FBXO36: variants seen among roughly 807,000 people sequenced by gnomAD.
FBXO36 encodes the protein F-box protein 36.
FBXO36 carries 18 observed loss-of-function variants against 17.0 expected under a neutral mutation model. The observed-to-expected ratio is 1.06, with a 90% confidence interval of 0.73 to 1.57. The LOEUF (loss-of-function observed/expected upper bound fraction) is 1.57. Ranked by LOEUF, FBXO36 falls within the 40% of genes most tolerant of loss-of-function variation. FBXO36 has a pLI of 0.00. For synonymous variants in FBXO36, 83 were observed against 85.3 expected (o/e 0.97, Z 0.15); for missense variants, 229 against 221.9 (o/e 1.03, Z -0.20).
chr2:229,961,865 C>T (rs1320715942), intron 1 of FBXO36, among the ~76,000 whole-genome samples: 2 of 151,960 alleles, frequency 1.3e-5, no homozygotes, highest in African/African-American at 4.8e-5. Context: ...TTAGGGCCAT[C>T]AATAAAATTG....
At chr2:229,924,622 CTGAGTA>C (rs2076895701) in intron 1 of FBXO36, among the ~76,000 whole-genome samples, 1 of 152,166 alleles carries the variant, frequency 6.6e-6, no homozygotes, top group Non-Finnish European at 1.5e-5. Flanking sequence ...CCTCACCAGG[CTGAGTA>C]TCTTGTTACC....
chr2:229,947,486 A>T (rs991842025), intron 1 of FBXO36, among the ~76,000 whole-genome samples: 1 of 152,168 alleles, frequency 6.6e-6, no homozygotes, highest in Non-Finnish European at 1.5e-5. Context: ...ATGCCACCCC[A>T]AGGATTTGGG....
intron 1 of FBXO36, among the ~76,000 whole-genome samples, chr2:229,963,277 G>A (rs1182161892): frequency 1.3e-4 from 19 of 151,310 alleles, no homozygotes; most frequent in Non-Finnish European, 7.4e-5. Flanking sequence ...TATTGGCCAG[G>A]ATGGTTTAGA....
chr2:229,984,031 T>A (rs887753079), intron 2 of FBXO36, among the ~76,000 whole-genome samples: 7 of 152,210 alleles, frequency 4.6e-5, no homozygotes, highest in African/African-American at 1.7e-4. Context: ...GAATTCTTTC[T>A]GTTTGAATTG....
At chr2:229,993,570 C>G (rs369967790) in intron 2 of FBXO36, among the ~76,000 whole-genome samples, 2 of 152,134 alleles carry the variant, frequency 1.3e-5, no homozygotes, top group East Asian at 3.8e-4. Context: ...ATCCAACAGG[C>G]AGGCGGTGAT....
rs190583093 is a variant in FBXO36 at position 229,942,195 on chromosome 2, T to A, written c.96+19586T>A. Among the ~76,000 whole-genome samples the A allele has an allele frequency of 1.7e-3, 259 of 152,044 alleles. 2 individuals are homozygous for A. Among genetic ancestry groups the A allele is most frequent in the Non-Finnish European group, 5.0e-4 (34 of 67,962 alleles). On this transcript the variant is annotated intron_variant, in intron 1 of 3. Coordinates refer to ENST00000283946, the MANE Select transcript of FBXO36 (RefSeq NM_174899.5). ...TTTGTCTGGCTACTTAGAAATAAAA[T>A]CAAGGGTGAGAGGTAAAATGGGTAA...
chr2:229,965,165 G>A (rs374900989), intron 1 of FBXO36, among the ~76,000 whole-genome samples: 1 of 25,328 alleles, frequency 3.9e-5, no homozygotes, highest in Non-Finnish European at 8.1e-5. Context: ...TTTTTTTTTT[G>A]TAGAGATGAG....
rs1050821919 is a variant in FBXO36, at chr2:230,012,997, A to G, written c.*2113A>G. The stretch of plus-strand genomic sequence containing the variant: ...TGTAGTATATAATAATATTACATAT[A>G]AAAATGTTATAAAAATAAATGCTAA... On this transcript the variant is annotated 3_prime_UTR_variant, in exon 4 of 4. Transcript: ENST00000283946. The G allele has an allele frequency of 6.8e-6, 1 of 147,748 alleles. No individual in the cohort carries two copies. The highest frequency in any genetic ancestry group is 2.6e-5 in the African/African-American group (1 of 37,952). 9.2% of individuals were successfully genotyped at this position (147,748 alleles called of 1,614,324 possible). A position where few individuals can be genotyped will look rare whatever the true frequency, so the allele number is the denominator to read the frequency against.
At chr2:229,953,840 C>G (rs374691557) in intron 1 of FBXO36, among the ~76,000 whole-genome samples, 3 of 151,986 alleles carry the variant, frequency 2.0e-5, no homozygotes, top group East Asian at 3.8e-4. Context: ...GCCATTGATT[C>G]ATCTTTTACA....
chr2:229,971,012 G>A (rs968209678), intron 1 of FBXO36, among the ~76,000 whole-genome samples: 3 of 152,162 alleles, frequency 2.0e-5, no homozygotes, highest in Non-Finnish European at 2.9e-5. Context: ...CACAAAAATT[G>A]TCAGTTCCTC....
At chr2:229,997,396 G>A (rs1269205579) in intron 3 of FBXO36, among the ~76,000 whole-genome samples, 1 of 151,654 alleles carries the variant, frequency 6.6e-6, no homozygotes, top group African/African-American at 2.4e-5. Flanking sequence ...TGGCCAACAT[G>A]GGGAAACCCC....
chr2:230,002,362 T>A (rs901690006), intron 3 of FBXO36, among the ~76,000 whole-genome samples: 58 of 151,886 alleles, frequency 3.8e-4, no homozygotes, highest in African/African-American at 1.1e-3. Context: ...CTTTCTCTGT[T>A]TTTTCCCCCC....
intron 2 of FBXO36, among the ~76,000 whole-genome samples, chr2:229,983,979 C>T (rs756944843): frequency 1.3e-5 from 2 of 152,194 alleles, no homozygotes; most frequent in Non-Finnish European, 2.9e-5. Context: ...TCCAAGCTCC[C>T]TTCCCCAGAG....
chr2:229,948,190 G>A (rs924911617), intron 1 of FBXO36, among the ~76,000 whole-genome samples: 8 of 152,114 alleles, frequency 5.3e-5, no homozygotes, highest in African/African-American at 1.9e-4. Context: ...TAAGGCAGAG[G>A]AACACTTGTG....
At chr2:229,930,057 C>G (rs940472480) in intron 1 of FBXO36, among the ~76,000 whole-genome samples, 7 of 151,998 alleles carry the variant, frequency 4.6e-5, no homozygotes, top group Non-Finnish European at 8.8e-5. Context: ...ACAAAAAAAT[C>G]TAAAAATTAT....
chr2:229,987,582 T>C (rs2077275679), intron 2 of FBXO36, among the ~76,000 whole-genome samples: 1 of 152,186 alleles, frequency 6.6e-6, no homozygotes, highest in Non-Finnish European at 1.5e-5. Flanking sequence ...GTTGTTCTTT[T>C]TTAGCTTCTT....
At chr2:229,954,234 A>ATTTTTTTGTTTTTTTTTTTTTT (rs2077072427) in intron 1 of FBXO36, among the ~76,000 whole-genome samples, 1 of 71,378 alleles carries the variant, frequency 1.4e-5, no homozygotes, top group Non-Finnish European at 2.6e-5. Context: ...AACCCTTTGG[A>ATTTTTTTGTTTTTTTTTTTTTT]TTTTTTTTTT....
At chr2:229,991,422 G>A (rs2077297488) in intron 2 of FBXO36, among the ~76,000 whole-genome samples, 1 of 152,038 alleles carries the variant, frequency 6.6e-6, no homozygotes, top group Non-Finnish European at 1.5e-5. Context: ...TTTAAGTTGG[G>A]GCCCTAATCT....
At chr2:229,967,586 A>C (rs1039345443) in intron 1 of FBXO36, among the ~76,000 whole-genome samples, 4 of 152,204 alleles carry the variant, frequency 2.6e-5, no homozygotes, top group African/African-American at 9.6e-5. Flanking sequence ...TTTTAGCATG[A>C]AGGGCTGTTG....
Sources: allele counts gnomAD v4.1 joint callset (sites outside exome capture counted in the v4.1 genomes callset), GRCh38; gene constraint gnomAD v4.1.1; transcripts MANE v1.5; gene names NCBI Gene and HGNC (gene_info 2026-07-23, HGNC 2026-07-21).